MGAT4C: variants seen among roughly 807,000 people sequenced by gnomAD.
MGAT4C encodes MGAT4 family member C.
In MGAT4C, 19 loss-of-function variants were observed where a neutral mutation model predicts 40.1. The observed-to-expected ratio is 0.47, with a 90% CI of 0.33 to 0.70. MGAT4C has a LOEUF of 0.70. Ranked by LOEUF, MGAT4C falls within the 30% of genes least tolerant of loss-of-function variation. The probability of loss-of-function intolerance (pLI) is 0.02; values close to 1 mark genes in which losing one functional copy is unlikely to be tolerated. For missense variants in MGAT4C, 491 were observed against 563.2 expected (o/e 0.87, Z 1.30); for synonymous variants, 181 against 187.1 (o/e 0.97, Z 0.27).
At chr12:86,796,886 A>G (rs1194290191) in intron 1 of MGAT4C, among the ~76,000 whole-genome samples, 4 of 151,938 alleles carry the variant, frequency 2.6e-5, no homozygotes, top group Admixed American at 2.6e-4. Flanking sequence ...ACATCATGTC[A>G]TACTTAGTAC....
intron 2 of MGAT4C, among the ~76,000 whole-genome samples, chr12:86,707,084 T>G (rs1226852733): frequency 6.6e-6 from 1 of 152,196 alleles, no homozygotes; most frequent in Non-Finnish European, 1.5e-5. Flanking sequence ...CCTTTAAACC[T>G]CTCTCCTTTG....
intron 2 of MGAT4C, among the ~76,000 whole-genome samples, chr12:86,035,714 T>C (rs1443748836): frequency 6.7e-6 from 1 of 149,808 alleles, no homozygotes; most frequent in East Asian, 1.9e-4. Flanking sequence ...TTTTAAGTCT[T>C]ATATTTAAAT....
chr12:86,487,364 C>T lies in MGAT4C; in HGVS notation c.-228-52099G>A, dbSNP rs1315785885. Among the ~76,000 whole-genome samples, 4 of 152,152 alleles carry T rather than the reference C, an allele frequency of 2.6e-5. No individual in the cohort carries two copies. The East Asian group carries it at 7.7e-4, about 29-fold the overall frequency. ...GGACTAAGCCCTGGAAATTGTTTTG[C>T]TCCAAAAGGTGACTTTGCAGATCAG... On this transcript the variant is annotated intron_variant, in intron 2 of 7. Coordinates refer to the MGAT4C transcript ENST00000548651.
intron 3 of MGAT4C, among the ~76,000 whole-genome samples, chr12:85,985,903 C>T (rs533177451): frequency 6.6e-6 from 1 of 152,088 alleles, no homozygotes; most frequent in Non-Finnish European, 1.5e-5. Flanking sequence ...ACAGTAATTA[C>T]AGCACTAAAT....
chr12:86,509,163 C>A (rs1273066421), intron 2 of MGAT4C, among the ~76,000 whole-genome samples: 203 of 151,612 alleles, frequency 1.3e-3, no homozygotes, highest in African/African-American at 4.7e-3. Flanking sequence ...AGTAATGCCT[C>A]GGTTTTCTTC....
intron 1 of MGAT4C, among the ~76,000 whole-genome samples, chr12:86,832,473 G>GT (rs2136237453): frequency 6.6e-6 from 1 of 151,798 alleles, no homozygotes; most frequent in East Asian, 1.9e-4. Context: ...AAAAAGATAA[G>GT]TCACATACTC....
chr12:86,156,100 C>CAT (rs1884901384), intron 1 of MGAT4C, among the ~76,000 whole-genome samples: 1 of 152,056 alleles, frequency 6.6e-6, no homozygotes, highest in African/African-American at 2.4e-5. Context: ...TATATAAACA[C>CAT]ACATATATAT....
At chr12:86,794,015 T>C (rs555369379) in intron 1 of MGAT4C, among the ~76,000 whole-genome samples, 2 of 152,004 alleles carry the variant, frequency 1.3e-5, no homozygotes, top group Middle Eastern at 6.8e-3. Flanking sequence ...TTTATACAAA[T>C]ACAGCCCTCT....
At chr12:86,748,779 A>T (rs577489201) in intron 1 of MGAT4C, among the ~76,000 whole-genome samples, 1 of 151,766 alleles carries the variant, frequency 6.6e-6, no homozygotes, top group East Asian at 1.9e-4. Context: ...TTACAAAGCC[A>T]TATCTTAAGA....
intron 3 of MGAT4C, among the ~76,000 whole-genome samples, chr12:86,401,805 C>A (rs1220821560): frequency 6.6e-6 from 1 of 151,916 alleles, no homozygotes; most frequent in Non-Finnish European, 1.5e-5. Flanking sequence ...ACTAAAAAAA[C>A]CATTTTGTTA....
At chr12:86,142,601 AG>A in intron 1 of MGAT4C, among the ~76,000 whole-genome samples, 1 of 152,272 alleles carries the variant, frequency 6.6e-6, no homozygotes, top group Non-Finnish European at 1.5e-5. Flanking sequence ...ACAGCTGAAT[AG>A]CTGAATATAT....
At chr12:86,011,290 G>A (rs185893727) in intron 2 of MGAT4C, among the ~76,000 whole-genome samples, 11 of 152,250 alleles carry the variant, frequency 7.2e-5, no homozygotes, top group African/African-American at 2.4e-4. Flanking sequence ...AGACATAAGC[G>A]CAGGTTTATG....
chr12:85,979,358 C>T lies in MGAT4C; in HGVS notation c.1368G>A (p.Met456Ile), dbSNP rs867364197. The stretch of plus-strand genomic sequence containing the variant: ...TTTGTGTTTTGGTGACATATATCCT[C>T]ATACAATGTATATCAAATGGAATTT... ...NQKIPFDIHC[M>I]RIYVTKTQKE... The change falls in exon 5 of 5, where the codon ATG becomes ATA. Residue 456 changes from methionine (M) to isoleucine (I), a missense_variant. Coordinates refer to ENST00000611864, the MANE Select transcript of MGAT4C (RefSeq NM_001351288.2). The T allele has an allele frequency of 6.2e-7, 1 of 1,612,600 alleles. No individual in the cohort carries two copies. The highest frequency in any genetic ancestry group is 8.5e-7 in the Non-Finnish European group (1 of 1,179,098).
intron 1 of MGAT4C, among the ~76,000 whole-genome samples, chr12:86,229,380 G>C (rs944100162): frequency 6.6e-6 from 1 of 151,882 alleles, no homozygotes; most frequent in African/African-American, 2.4e-5. Context: ...AACTGTAGTT[G>C]TGTGTCTACT....
intron 1 of MGAT4C, among the ~76,000 whole-genome samples, chr12:86,196,350 T>TCCCAG (rs1298641896): frequency 6.6e-6 from 1 of 152,154 alleles, no homozygotes; most frequent in Admixed American, 6.5e-5. Flanking sequence ...TCCACTGGGG[T>TCCCAG]AATAGCGTCA....
intron 1 of MGAT4C, among the ~76,000 whole-genome samples, chr12:86,796,612 G>T (rs903081346): frequency 2.6e-5 from 4 of 151,942 alleles, no homozygotes; most frequent in African/African-American, 7.2e-5. Context: ...GAGAGCTATT[G>T]TATAACATGG....
chr12:86,533,307 G>A (rs1387316902), intron 2 of MGAT4C, among the ~76,000 whole-genome samples: 3 of 152,064 alleles, frequency 2.0e-5, no homozygotes, highest in East Asian at 1.9e-4. Context: ...TCTCAGAAAC[G>A]TTGTCACCCA....
chr12:86,673,913 T>G (rs969090608), intron 2 of MGAT4C, among the ~76,000 whole-genome samples: 1 of 152,034 alleles, frequency 6.6e-6, no homozygotes, highest in Non-Finnish European at 1.5e-5. Flanking sequence ...GAAAGGTTAC[T>G]CTTCATCTTA....
At chr12:86,346,818 G>T (rs1955044376) in intron 3 of MGAT4C, among the ~76,000 whole-genome samples, 2 of 152,114 alleles carry the variant, frequency 1.3e-5, no homozygotes, top group African/African-American at 4.8e-5. Flanking sequence ...CAATCTGGGT[G>T]GGCACCATCC....
Sources: gnomAD v4.1 joint callset for allele counts (sites outside exome capture counted in the v4.1 genomes callset) on GRCh38, gnomAD v4.1.1 for gene constraint, MANE v1.5 for transcripts, NCBI Gene and HGNC (gene_info 2026-07-23, HGNC 2026-07-21) for gene names.